The following ZMYM6 variants were observed in gnomAD, a reference collection of about 807,000 sequenced individuals.
ZMYM6 encodes zinc finger MYM-type protein 6.
In ZMYM6, 90 loss-of-function variants were observed where a neutral mutation model predicts 134.0. That is an observed-to-expected ratio of 0.67 (90% CI 0.57 to 0.80). ZMYM6 has a LOEUF of 0.80. ZMYM6 is among the 30% of genes least tolerant of loss of function. ZMYM6 has a pLI of 0.00. For missense variants in ZMYM6, 1,362 were observed against 1,533.9 expected, an observed-to-expected ratio of 0.89 and a Z score of 1.87; for synonymous variants, 481 against 524.1, an observed-to-expected ratio of 0.92 and a Z score of 1.12.
At chr1:35,029,392 ATTTGGCTTTTTTGAGC>A (rs1557592701) in intron 2 of ZMYM6, among the ~76,000 whole-genome samples, 1 of 152,104 alleles carries the variant, frequency 6.6e-6, no homozygotes, top group Non-Finnish European at 1.5e-5. Flanking sequence ...GTGGTAAACT[ATTTGGCTTTTTTGAGC>A]TTTGGTTTCC....
intron 14 of ZMYM6, among the ~76,000 whole-genome samples, chr1:35,002,920 C>T (rs1245494069): frequency 6.6e-6 from 1 of 152,058 alleles, no homozygotes; most frequent in Non-Finnish European, 1.5e-5. Flanking sequence ...TGCCTGTAAT[C>T]ACAACAGCTT....
intron 2 of ZMYM6, among the ~76,000 whole-genome samples, chr1:35,023,269 G>A (rs966403585): frequency 6.6e-6 from 1 of 152,090 alleles, no homozygotes; most frequent in Non-Finnish European, 1.5e-5. Flanking sequence ...CACCACGCCT[G>A]GCTAATTTTG....
chr1:35,015,068 C>T lies in ZMYM6; in HGVS notation c.523G>A (p.Glu175Lys). ...GTAACAACAGGTTTTTTCTTTAGCT[C>T]ATAAGATGACAAGCATGATTGGCTG... ...FCSQSCLSSY[E>K]LKKKPVVTIY... Residue 175 changes from glutamate (E) to lysine (K), a missense_variant, in exon 5 of 16, where the codon GAG becomes AAG. By Grantham distance (56) the Glu-to-Lys change is moderately conservative. Transcript: ENST00000357182. The T allele has an allele frequency of 6.2e-7, 1 of 1,613,918 alleles. No individual in the cohort carries two copies. Among genetic ancestry groups the T allele is most frequent in the Non-Finnish European group, 8.5e-7 (1 of 1,179,952 alleles).
Position 35,005,237 on chromosome 1 carries a change from G to A in ZMYM6, c.1849C>T (p.Leu617Phe). 6.2e-7 allele frequency: 1 copy of A among 1,614,072 alleles called. No homozygotes were observed. Among genetic ancestry groups the A allele is most frequent in the South Asian group, 1.1e-5 (1 of 91,064 alleles). ...GTTGTATCTGTCCTTGCAGAAGGGA[G>A]CTCCGTCACAGCAGTTTTTGCTTTA... ...ISKAKTAVTE[L>F]PSARTDTTPV... Residue 617 changes from leucine to phenylalanine, a missense_variant, in exon 13 of 16, where the codon CTC becomes TTC. By Grantham distance (22) the Leu-to-Phe change is conservative (BLOSUM62 0). This residue lies in a region of ZMYM6 where 824 missense variants were observed against 940.9 expected (regional missense o/e 0.88). Transcript: ENST00000357182.
At chr1:35,015,743 A>AAAAAAAAAAATATATATATATATATAT in intron 4 of ZMYM6, among the ~76,000 whole-genome samples, 1 of 106,470 alleles carries the variant, frequency 9.4e-6, no homozygotes, top group African/African-American at 6.6e-5. Flanking sequence ...AAAAAAAAAA[A>AAAAAAAAAAATATATATATATATATAT]ATATATATAT....
Position 34,988,566 on chromosome 1 carries a change from G to A in ZMYM6, c.2516C>T (p.Thr839Ile). The change falls in exon 16 of 16, where the codon ACT becomes ATT. Residue 839 changes from threonine (T) to isoleucine (I), a missense_variant. This residue lies in a region of ZMYM6 where 824 missense variants were observed against 940.9 expected (regional missense o/e 0.88). Transcript: ENST00000357182. Reference sequence around the variant, plus strand: ...GGAGAATGGCTTCTTGCTTGCAGCAGTTTGGAAAGCAATTAAATAAGAAGC... The same window carrying A: ...GGAGAATGGCTTCTTGCTTGCAGCAATTTGGAAAGCAATTAAATAAGAAGC... Reference protein sequence around the residue: ...VKASYLIAFQTAASKKPFSIA... With the variant: ...VKASYLIAFQIAASKKPFSIA... 1 of 1,551,198 alleles carries A rather than the reference G, an allele frequency of 6.4e-7. No homozygotes were observed. The highest frequency in any genetic ancestry group is 2.4e-5 in the East Asian group (1 of 40,904).
chr1:35,015,979 G>A (rs1219453448), intron 4 of ZMYM6, among the ~76,000 whole-genome samples: 5 of 135,160 alleles, frequency 3.7e-5, no homozygotes, highest in African/African-American at 1.3e-4. Flanking sequence ...ACGGAGTCTC[G>A]CTCTGCTGCC....
chr1:35,010,930 C>T lies in ZMYM6; in HGVS notation c.1169G>A (p.Gly390Glu), dbSNP rs747141948. The T allele has an allele frequency of 6.2e-7, 1 of 1,612,704 alleles. No individual in the cohort carries two copies. Among genetic ancestry groups the T allele is most frequent in the South Asian group, 1.1e-5 (1 of 90,794 alleles). ...PSSRSAVSIG[G>E]GNTSAVSPSS... is the part of the protein sequence containing the mutation. ...GGGGGAAACGGCAGAGGTGTTACCT[C>T]CTCCTATTGACACTGCTGACCTGGA... is the stretch of plus-strand genomic sequence containing the variant. Residue 390 changes from glycine to glutamate, a missense_variant, in exon 9 of 16, where the codon GGA becomes GAA. Physicochemically the swap from Gly to Glu is moderately conservative, Grantham distance 98 (BLOSUM62 -2). Around this residue, in one of 3 missense-constraint regions of ZMYM6, gnomAD observed 503 missense variants for 520.8 expected, o/e 0.97. Coordinates refer to ENST00000357182, the MANE Select transcript of ZMYM6 (RefSeq NM_007167.4).
chr1:34,998,047 G>A (rs1039399440), intron 14 of ZMYM6, among the ~76,000 whole-genome samples: 2 of 152,070 alleles, frequency 1.3e-5, no homozygotes, highest in South Asian at 2.1e-4. Flanking sequence ...TTGGGACACC[G>A]AGGCAGGCGG....
intron 4 of ZMYM6, chr1:35,018,792 A>AG (rs1641251467): frequency 6.5e-6 from 1 of 154,410 alleles, no homozygotes; most frequent in Admixed American, 6.4e-5. Flanking sequence ...ACACTACCAC[A>AG]GAAATAGGCA....
At chr1:34,997,372 C>T (rs1476924998) in intron 14 of ZMYM6, among the ~76,000 whole-genome samples, 3 of 152,158 alleles carry the variant, frequency 2.0e-5, no homozygotes, top group South Asian at 2.1e-4. Flanking sequence ...GGCGTGATCT[C>T]GGCTCACTGC....
chr1:35,019,618 A>T lies in ZMYM6; in HGVS notation c.179-16T>A. The T allele has an allele frequency of 6.4e-7, 1 of 1,567,462 alleles. No homozygotes were observed. Among genetic ancestry groups the T allele is most frequent in the Non-Finnish European group, 8.6e-7 (1 of 1,165,208 alleles). On this transcript the variant is annotated splice_polypyrimidine_tract_variant and intron_variant, in intron 3 of 15. Coordinates refer to ENST00000357182, the MANE Select transcript of ZMYM6 (RefSeq NM_007167.4). ...AACTGCTGGGCTATCAAAACAAAAT[A>T]AAAAAAGTTTTAGTATCAATACTAA...
At chr1:35,012,288 T>C (rs1426901013) in intron 7 of ZMYM6, 143 bp downstream of exon 7, 6 of 813,322 alleles carry the variant, frequency 7.4e-6, no homozygotes, top group Admixed American at 3.6e-5. Context: ...TATTTTCACA[T>C]AAAAGTCAGT....
chr1:35,023,559 G>A (rs1178957960), intron 2 of ZMYM6, among the ~76,000 whole-genome samples: 1 of 150,468 alleles, frequency 6.6e-6, no homozygotes, highest in Admixed American at 6.6e-5. Context: ...GCAAAATGAA[G>A]AGGACATTAA....
In ZMYM6 at chr1:34,992,302, C is replaced by T. The variant is rs1569740178; in HGVS notation, c.2078G>A (p.Cys693Tyr). Residue 693 changes from cysteine to tyrosine, a missense_variant, in exon 15 of 16, where the codon TGC becomes TAC. Transcript: ENST00000357182. The stretch of plus-strand genomic sequence containing the variant: ...GGCCTTGGTCTGTGTGACGGGTTTG[C>T]ATGATATGCCTTTGTTCTTTAAAAG... ...SRLLKNKGIS[C>Y]KPVTQTKATS... is the part of the protein sequence containing the mutation. The T allele has an allele frequency of 6.2e-7, 1 of 1,614,066 alleles. No individual in the cohort carries two copies. Among genetic ancestry groups the T allele is most frequent in the African/African-American group, 1.3e-5 (1 of 75,038 alleles).
In ZMYM6 at chr1:35,015,078, C is replaced by T. The variant is rs149262378; in HGVS notation, c.513G>A (p.Leu171=). 4.8e-5 allele frequency: 78 copies of T among 1,613,912 alleles called. No homozygotes were observed. Among genetic ancestry groups the T allele is most frequent in the Non-Finnish European group, 8.5e-6 (10 of 1,179,972 alleles). Residue 171 remains leucine (L), a synonymous_variant, in exon 5 of 16, where the codon TTG becomes TTA. Coordinates refer to ENST00000357182, the MANE Select transcript of ZMYM6 (RefSeq NM_007167.4). ...PSKDFCSQSC[L]SSYELKKKPV... is the part of the protein sequence containing the mutation. ...GTTTTTTCTTTAGCTCATAAGATGA[C>T]AAGCATGATTGGCTGCAGAAATCTT...
intron 2 of ZMYM6, among the ~76,000 whole-genome samples, chr1:35,026,028 C>CT (rs572642945): frequency 2.0e-4 from 30 of 147,524 alleles, no homozygotes; most frequent in Middle Eastern, 3.5e-3. Flanking sequence ...TAAACTGCAA[C>CT]TTTTTTTTTT....
chr1:34,997,594 C>A (rs114646190), intron 14 of ZMYM6, among the ~76,000 whole-genome samples: 1 of 152,068 alleles, frequency 6.6e-6, no homozygotes, highest in Non-Finnish European at 1.5e-5. Context: ...CATGAGCCAC[C>A]GCACCTGGCC....
intron 12 of ZMYM6, among the ~76,000 whole-genome samples, chr1:35,005,872 A>C (rs1231364430): frequency 6.6e-6 from 1 of 152,240 alleles, no homozygotes; most frequent in African/African-American, 2.4e-5. Flanking sequence ...GGCTAACACG[A>C]AAGATTAGCA....
Sources: allele counts gnomAD v4.1 joint callset (sites outside exome capture counted in the v4.1 genomes callset), GRCh38; gene constraint gnomAD v4.1.1; regional missense constraint gnomAD v4.1.1; transcripts MANE v1.5; gene names NCBI Gene and HGNC (gene_info 2026-07-23, HGNC 2026-07-21).